FREM2: variants seen among roughly 807,000 people sequenced by gnomAD.
FREM2 encodes the protein FRAS1 related extracellular matrix 2.
FREM2 carries 119 observed loss-of-function variants against 219.9 expected under a neutral mutation model. The ratio of observed to expected loss-of-function variants is 0.54; its 90% CI spans 0.47 to 0.63. The LOEUF is 0.63. FREM2 is among the 30% of genes least tolerant of loss of function. The pLI, the probability that FREM2 is intolerant of heterozygous loss-of-function variation, is 0.00. For missense variants in FREM2, 4,030 were observed against 3,993.6 expected (o/e 1.01, Z -0.25); for synonymous variants, 1,562 against 1,522.8 (o/e 1.03, Z -0.60).
chr13:38,748,002 C>G (rs1412500417), intron 2 of FREM2, among the ~76,000 whole-genome samples: 2 of 152,122 alleles, frequency 1.3e-5, no homozygotes, highest in Non-Finnish European at 2.9e-5. Context: ...TAAGATCCAA[C>G]TGAAAACAGG....
At chr13:38,822,068 G>T (rs1876080504) in intron 6 of FREM2, 1 of 152,140 alleles carries the variant, frequency 6.6e-6, no homozygotes, top group Non-Finnish European at 1.5e-5. Flanking sequence ...CCAAGTTACA[G>T]TACAATTCAG....
chr13:38,690,457 A>G lies in FREM2; in HGVS notation c.3113A>G (p.Asp1038Gly), dbSNP rs767519890. The G allele has an allele frequency of 6.2e-7, 1 of 1,614,130 alleles. No homozygotes were observed. The highest frequency in any genetic ancestry group is 8.5e-7 in the Non-Finnish European group (1 of 1,180,044). The change falls in exon 1 of 24, where the codon GAT becomes GGT. Residue 1038 changes from aspartate (D) to glycine (G), a missense_variant. Transcript: ENST00000280481. ...KADSFNLSLS[D>G]MSQEWRIGGN... Reference sequence around the variant, plus strand: ...GATTCTTTTAACCTGAGTCTGTCAGATATGTCTCAAGAATGGAGAATTGGT... The same window carrying G: ...GATTCTTTTAACCTGAGTCTGTCAGGTATGTCTCAAGAATGGAGAATTGGT...
intron 2 of FREM2, among the ~76,000 whole-genome samples, chr13:38,733,370 C>A: frequency 6.7e-6 from 1 of 149,176 alleles, no homozygotes; most frequent in African/African-American, 2.5e-5. Flanking sequence ...AGTGAGGGAT[C>A]ATAGAAAAGC....
chr13:38,843,085 A>G (rs1877020233), intron 6 of FREM2, among the ~76,000 whole-genome samples: 1 of 152,168 alleles, frequency 6.6e-6, no homozygotes, highest in Non-Finnish European at 1.5e-5. Context: ...TGCACTGCTC[A>G]CAGACAATTT....
At chr13:38,757,006 G>A (rs1017997833) in intron 2 of FREM2, among the ~76,000 whole-genome samples, 3 of 152,156 alleles carry the variant, frequency 2.0e-5, no homozygotes, top group East Asian at 1.9e-4. Context: ...CCCTCTGCAC[G>A]TGTCTGAGAA....
At chr13:38,753,739 G>T (rs1380042242) in intron 2 of FREM2, among the ~76,000 whole-genome samples, 1 of 152,116 alleles carries the variant, frequency 6.6e-6, no homozygotes. Flanking sequence ...TCCTCTGTAG[G>T]TGTACACCTG....
intron 18 of FREM2, 72 bp downstream of exon 18, chr13:38,874,658 C>T (rs893489803): frequency 1.5e-5 from 18 of 1,200,786 alleles, no homozygotes; most frequent in Non-Finnish European, 2.0e-5. Context: ...TCACACATTT[C>T]AGCGTGCTTC....
chr13:38,799,997 G>T (rs1015690924), intron 6 of FREM2, among the ~76,000 whole-genome samples: 1 of 152,042 alleles, frequency 6.6e-6, no homozygotes, highest in African/African-American at 2.4e-5. Context: ...ATGCGACTTT[G>T]TTACTGTCAT....
At chr13:38,775,215 G>T (rs1873822571) in intron 4 of FREM2, among the ~76,000 whole-genome samples, 1 of 152,088 alleles carries the variant, frequency 6.6e-6, no homozygotes, top group Non-Finnish European at 1.5e-5. Flanking sequence ...TCTTATTTTT[G>T]AAATTCTACA....
At chr13:38,725,722 A>G (rs1373419735) in intron 2 of FREM2, among the ~76,000 whole-genome samples, 1 of 152,220 alleles carries the variant, frequency 6.6e-6, no homozygotes, top group Non-Finnish European at 1.5e-5. Context: ...AAAGTTTTCA[A>G]GCAAGGGAAG....
intron 3 of FREM2, among the ~76,000 whole-genome samples, chr13:38,768,059 A>G (rs1873510361): frequency 6.6e-6 from 1 of 152,222 alleles, no homozygotes; most frequent in African/African-American, 2.4e-5. Flanking sequence ...ATACAGCCCC[A>G]GCACATGGAA....
rs1020251250 is a variant in FREM2 at position 38,687,816 on chromosome 13, G to T, written c.472G>T (p.Asp158Tyr). 6 of 1,544,562 alleles carry T rather than the reference G, an allele frequency of 3.9e-6. No individual in the cohort carries two copies. The highest frequency in any genetic ancestry group is 3.5e-6 in the Non-Finnish European group (4 of 1,140,724). ...RDRVRLQLRY[D>Y]APGGAVVLPL... ...CCGCGTCCGGCTGCAGCTGCGCTAT[G>T]ACGCGCCCGGAGGGGCAGTAGTGCT... is the stretch of plus-strand genomic sequence containing the variant. The change falls in exon 1 of 24, where the codon GAC (aspartate) becomes TAC (tyrosine). Residue 158 changes from aspartate to tyrosine, a missense_variant. Coordinates refer to ENST00000280481, the MANE Select transcript of FREM2 (RefSeq NM_207361.6).
At chr13:38,871,981 A>T (rs143563874) in intron 16 of FREM2, among the ~76,000 whole-genome samples, 7 of 152,306 alleles carry the variant, frequency 4.6e-5, no homozygotes, top group Admixed American at 4.6e-4. Flanking sequence ...TCTATGTTTC[A>T]TATTCCCTTA....
rs756546963 is a variant in FREM2 at position 38,880,834 on chromosome 13, A to G, written c.*47A>G. 8.7e-6 allele frequency: 14 copies of G among 1,601,804 alleles called. No individual in the cohort carries two copies. Among genetic ancestry groups the G allele is most frequent in the Middle Eastern group, 1.6e-4 (1 of 6,068 alleles). On this transcript the variant is annotated 3_prime_UTR_variant, in exon 24 of 24. Coordinates refer to ENST00000280481, the MANE Select transcript of FREM2 (RefSeq NM_207361.6). ...CTTTTCCGTAAGTGCCTCGGAAAAG[A>G]TCACAATGGAACCTTAAATACTTCT... is the stretch of plus-strand genomic sequence containing the variant.
rs1878524251 is a variant in FREM2, at chr13:38,880,933, T to C, written c.*146T>C. The C allele has an allele frequency of 1.0e-6, 1 of 985,782 alleles. No individual in the cohort carries two copies. 61.1% of individuals were successfully genotyped at this position (985,782 alleles called of 1,614,324 possible). On this transcript the variant is annotated 3_prime_UTR_variant, in exon 24 of 24. Coordinates refer to ENST00000280481, the MANE Select transcript of FREM2 (RefSeq NM_207361.6). Reference sequence around the variant, plus strand: ...ATATGACTGTACTAATGGAGTTTGATTTGAATTCTCCATACTCTTTTTTGC... The same window carrying C: ...ATATGACTGTACTAATGGAGTTTGACTTGAATTCTCCATACTCTTTTTTGC...
At chr13:38,715,464 G>A (rs572253856) in intron 2 of FREM2, among the ~76,000 whole-genome samples, 2 of 152,236 alleles carry the variant, frequency 1.3e-5, no homozygotes, top group South Asian at 4.1e-4. Context: ...GGCCCTTCCT[G>A]GCTAATCCAG....
intron 17 of FREM2, among the ~76,000 whole-genome samples, chr13:38,873,715 GC>G (rs779046435): frequency 7.9e-5 from 12 of 152,120 alleles, no homozygotes; most frequent in Non-Finnish European, 7.4e-5. Context: ...TGCCAGTACT[GC>G]ATTTTACTAG....
At chr13:38,694,004 T>C (rs1231832239) in intron 1 of FREM2, among the ~76,000 whole-genome samples, 1 of 152,190 alleles carries the variant, frequency 6.6e-6, no homozygotes, top group African/African-American at 2.4e-5. Context: ...ATATATTAGA[T>C]AATAGAAAAT....
chr13:38,880,779 G>A lies in FREM2; in HGVS notation c.9502G>A (p.Glu3168Lys). ...PPQSHHNDSS[E>K]V is the part of the protein sequence containing the mutation. ...ACAGAGCCATCACAATGACAGCTCA[G>A]AAGTTTGATGACTGCAGGTAGAATT... Residue 3168 changes from glutamate (E) to lysine (K), a missense_variant, in exon 24 of 24, where the codon GAA becomes AAA. Glu to Lys is a moderately conservative substitution (Grantham distance 56). Coordinates refer to ENST00000280481, the MANE Select transcript of FREM2 (RefSeq NM_207361.6). 2 of 1,614,132 alleles carry A rather than the reference G, an allele frequency of 1.2e-6. No individual in the cohort carries two copies. Among genetic ancestry groups the A allele is most frequent in the Non-Finnish European group, 1.7e-6 (2 of 1,180,034 alleles).
Sources: allele counts gnomAD v4.1 joint callset (sites outside exome capture counted in the v4.1 genomes callset), GRCh38; gene constraint gnomAD v4.1.1; transcripts MANE v1.5; gene names NCBI Gene and HGNC (gene_info 2026-07-23, HGNC 2026-07-21).